CDH17: variants seen among roughly 807,000 people sequenced by gnomAD.
CDH17 encodes cadherin 17.
In CDH17, 67 loss-of-function variants were observed where a neutral mutation model predicts 86.3. That is an observed-to-expected ratio of 0.78 (90% CI 0.64 to 0.95). The LOEUF is 0.95. CDH17 is among the 40% of genes least tolerant of loss of function. The probability of loss-of-function intolerance (pLI) is 0.00; values close to 1 mark genes in which losing one functional copy is unlikely to be tolerated. For missense variants in CDH17, 993 were observed against 1,017.6 expected, an observed-to-expected ratio of 0.98 and a Z score of 0.33; for synonymous variants, 367 against 366.4, an observed-to-expected ratio of 1.00 and a Z score of -0.02.
intron 12 of CDH17, among the ~76,000 whole-genome samples, chr8:94,155,964 T>C (rs1349882173): frequency 6.6e-6 from 1 of 152,190 alleles, no homozygotes; most frequent in East Asian, 1.9e-4. Flanking sequence ...AATTAGCACA[T>C]GGTAATAAGC....
At chr8:94,142,095 A>G (rs1408817229) in intron 15 of CDH17, among the ~76,000 whole-genome samples, 1 of 152,178 alleles carries the variant, frequency 6.6e-6, no homozygotes, top group African/African-American at 2.4e-5. Flanking sequence ...TTCAATGTAA[A>G]AAAAGGATGT....
Position 94,174,109 on chromosome 8 carries a change from G to A in CDH17, c.576C>T (p.Thr192=), listed in dbSNP as rs748740651. The A allele has an allele frequency of 2.5e-6, 4 of 1,613,476 alleles. No homozygotes were observed. In the Admixed American group the frequency reaches 5.0e-5, roughly 20 times the overall value. Reference sequence around the variant, plus strand: ...GGGCACCCCTGAACTTACCCTCTCGGGTAAGAGAGATGGCTCCCGTTTTGT... The same window carrying A: ...GGGCACCCCTGAACTTACCCTCTCGAGTAAGAGAGATGGCTCCCGTTTTGT... The part of the protein sequence containing the change: ...INNKTGAISL[T]REGSQELNPA... The change falls in exon 6 of 18, where the codon ACC becomes ACT. Residue 192 remains threonine (T), a synonymous_variant. Coordinates refer to ENST00000027335, the MANE Select transcript of CDH17 (RefSeq NM_004063.4).
chr8:94,173,718 A>T (rs1287145994), intron 7 of CDH17, 79 bp downstream of exon 7: 5 of 1,022,676 alleles, frequency 4.9e-6, no homozygotes, highest in Non-Finnish European at 7.7e-6. Context: ...TGTATCAGTG[A>T]AGACTGTGAG....
intron 2 of CDH17, among the ~76,000 whole-genome samples, chr8:94,190,394 T>C (rs1361841423): frequency 6.6e-6 from 1 of 152,150 alleles, no homozygotes; most frequent in African/African-American, 2.4e-5. Flanking sequence ...ATGGGGAGCA[T>C]CACTGTAGCC....
chr8:94,150,820 G>C (rs1280249856), intron 13 of CDH17, among the ~76,000 whole-genome samples: 1 of 152,160 alleles, frequency 6.6e-6, no homozygotes, highest in Non-Finnish European at 1.5e-5. Flanking sequence ...ATGGTATAAA[G>C]ATTAAAAACA....
chr8:94,133,168 A>G (rs1459355458), intron 15 of CDH17, among the ~76,000 whole-genome samples: 1 of 152,128 alleles, frequency 6.6e-6, no homozygotes. Flanking sequence ...TTGGTTCCAT[A>G]TGAACTTTAC....
At chr8:94,195,905 C>T (rs578081982) in intron 1 of CDH17, among the ~76,000 whole-genome samples, 3 of 152,152 alleles carry the variant, frequency 2.0e-5, no homozygotes, top group East Asian at 3.9e-4. Context: ...GGACTACAGG[C>T]GCCTGCCACC....
chr8:94,175,969 G>A (rs1813362958), intron 5 of CDH17, among the ~76,000 whole-genome samples: 1 of 152,096 alleles, frequency 6.6e-6, no homozygotes, highest in African/African-American at 2.4e-5. Flanking sequence ...ACTTACTGCA[G>A]CCTCAATCTC....
chr8:94,205,288 T>C (rs1314611264), intron 1 of CDH17, among the ~76,000 whole-genome samples: 1 of 152,164 alleles, frequency 6.6e-6, no homozygotes, highest in African/African-American at 2.4e-5. Flanking sequence ...TGACAAAGTG[T>C]TTCTTTATGT....
In CDH17 at chr8:94,148,808, A is replaced by ACT. The variant is rs1812801563; in HGVS notation, c.1861_1862dup (p.Ser621ArgfsTer23). 6.2e-7 allele frequency: 1 copy of ACT among 1,607,018 alleles called. No homozygotes were observed. Among genetic ancestry groups the ACT allele is most frequent in the Non-Finnish European group, 8.5e-7 (1 of 1,178,224 alleles). ...CGGCTTCTCTGTCCAATGGAGCCAC[A>ACT]CTAAAGATCTCACCAGTCACGTGGT... is the stretch of plus-strand genomic sequence containing the variant. On this transcript the variant is annotated frameshift_variant, in exon 14 of 18. Transcript: ENST00000027335. LOFTEE classifies it high-confidence loss of function.
chr8:94,179,320 G>A (rs1418689065), intron 3 of CDH17, among the ~76,000 whole-genome samples: 1 of 152,178 alleles, frequency 6.6e-6, no homozygotes, highest in Non-Finnish European at 1.5e-5. Context: ...TTCCCCTGGG[G>A]CATTTGTTGA....
chr8:94,173,665 T>C, intron 7 of CDH17, 132 bp downstream of exon 7: 1 of 730,846 alleles, frequency 1.4e-6, no homozygotes, highest in Middle Eastern at 4.0e-4. Flanking sequence ...AGAGGCTATA[T>C]AATTTGCTTT....
intron 1 of CDH17, among the ~76,000 whole-genome samples, chr8:94,200,535 TTG>T (rs1279274134): frequency 0.025 from 2,040 of 82,798 alleles, 289 homozygotes; most frequent in African/African-American, 0.098. Flanking sequence ...TTATTATCTT[TTG>T]TTTTTTTTTT....
At chr8:94,135,246 A>C (rs1439287991) in intron 15 of CDH17, among the ~76,000 whole-genome samples, 1 of 152,142 alleles carries the variant, frequency 6.6e-6, no homozygotes, top group Non-Finnish European at 1.5e-5. Flanking sequence ...TATGTCTAAT[A>C]TTGACAGTGG....
intron 10 of CDH17, among the ~76,000 whole-genome samples, chr8:94,164,777 G>A (rs138997395): frequency 6.6e-6 from 1 of 152,296 alleles, no homozygotes; most frequent in African/African-American, 2.4e-5. Flanking sequence ...GACCTTCTAG[G>A]AGTCTGAGTG....
At chr8:94,136,512 A>T (rs1291960165) in intron 15 of CDH17, among the ~76,000 whole-genome samples, 2 of 152,150 alleles carry the variant, frequency 1.3e-5, no homozygotes, top group Non-Finnish European at 2.9e-5. Context: ...GGTCTTCTCT[A>T]CACTGTTTAT....
At position 94,162,045 on chromosome 8, in the gene CDH17, T is replaced by C. The variant is rs775458911; in HGVS notation, c.1359+41A>G. Reference sequence around the variant, plus strand: ...TCCCAGAAGAAAGGGTGAAGTAAAATGAATAAAGTAAAGAAAAAACAAATA... The same window carrying C: ...TCCCAGAAGAAAGGGTGAAGTAAAACGAATAAAGTAAAGAAAAAACAAATA... On this transcript the variant is annotated intron_variant, in intron 11 of 17. Coordinates refer to ENST00000027335, the MANE Select transcript of CDH17 (RefSeq NM_004063.4). 1.3e-5 allele frequency: 16 copies of C among 1,219,684 alleles called. 1 individual carries two copies. The highest frequency in any genetic ancestry group is 1.8e-5 in the Non-Finnish European group (15 of 828,174). 75.6% of individuals were successfully genotyped at this position (1,219,684 alleles called of 1,614,324 possible).
intron 15 of CDH17, among the ~76,000 whole-genome samples, chr8:94,145,690 G>T (rs1032800365): frequency 6.6e-6 from 1 of 151,608 alleles, no homozygotes. Flanking sequence ...TGATGCTTAG[G>T]TCATCCAACT....
rs570649259 is a variant in CDH17 at position 94,180,083 on chromosome 8, A to G, written c.151-2362T>C. 2.6e-5 allele frequency among the ~76,000 whole-genome samples: 4 copies of G among 152,274 alleles called. No homozygotes were observed. The East Asian group carries it at 7.7e-4, about 29-fold the overall frequency. On this transcript the variant is annotated intron_variant, in intron 3 of 17. Transcript: ENST00000027335. Reference sequence around the variant, plus strand: ...TTGAAAACAATGCCTCATCAGATATAGAATATTGATTAAAAATAGAAATTT... The same window carrying G: ...TTGAAAACAATGCCTCATCAGATATGGAATATTGATTAAAAATAGAAATTT...
Sources: allele counts gnomAD v4.1 joint callset (sites outside exome capture counted in the v4.1 genomes callset), GRCh38; gene constraint gnomAD v4.1.1; transcripts MANE v1.5; gene names NCBI Gene and HGNC (gene_info 2026-07-23, HGNC 2026-07-21).